The following FCHO2 variants were observed in gnomAD, a reference collection of about 807,000 sequenced individuals.
FCHO2 encodes F-BAR domain only protein 2.
A neutral mutation model predicts 114.1 loss-of-function variants in FCHO2; 43 were observed. The observed-to-expected ratio is 0.38, with a 90% confidence interval of 0.30 to 0.49. The LOEUF (loss-of-function observed/expected upper bound fraction) is 0.49, where lower values mean the gene tolerates loss of function less well. Among genes scored for constraint, FCHO2 ranks in the 20% least tolerant of loss-of-function variants. FCHO2 has a pLI of 0.97. For synonymous variants in FCHO2, 293 were observed against 315.2 expected (o/e 0.93, Z 0.75); for missense variants, 807 against 950.4 (o/e 0.85, Z 1.98).
intron 6 of FCHO2, among the ~76,000 whole-genome samples, chr5:73,010,484 T>C (rs1446631580): frequency 1.3e-5 from 2 of 152,082 alleles, no homozygotes; most frequent in African/African-American, 2.4e-5. Flanking sequence ...ATATCTTTAG[T>C]GGCTGAGAAG....
intron 1 of FCHO2, among the ~76,000 whole-genome samples, chr5:72,957,959 T>C (rs1751645342): frequency 6.6e-6 from 1 of 152,222 alleles, no homozygotes; most frequent in African/African-American, 2.4e-5. Context: ...TGCCTATTTT[T>C]ATATTTTCTT....
At chr5:72,976,292 T>G (rs1752869926) in intron 2 of FCHO2, among the ~76,000 whole-genome samples, 1 of 152,148 alleles carries the variant, frequency 6.6e-6, no homozygotes, top group Non-Finnish European at 1.5e-5. Context: ...TTTCCCAGGC[T>G]AGTCTCGAAC....
Position 72,979,378 on chromosome 5 carries a change from C to CTTTTTTTT in FCHO2, c.126-10025_126-10018dup, listed in dbSNP as rs60234739. Among the ~76,000 whole-genome samples, 179 of 49,808 alleles carry CTTTTTTTT rather than the reference C, an allele frequency of 3.6e-3. 16 individuals carry two copies. Among genetic ancestry groups the CTTTTTTTT allele is most frequent in the East Asian group, 8.3e-3 (9 of 1,082 alleles). 32.7% of individuals were successfully genotyped at this position (49,808 alleles called of 152,430 possible). A position where few individuals can be genotyped will look rare whatever the true frequency, so the allele number is the denominator to read the frequency against. On this transcript the variant is annotated intron_variant, in intron 2 of 25. Coordinates refer to ENST00000430046, the MANE Select transcript of FCHO2 (RefSeq NM_138782.3). ...TATGTGTCCAGGAATTTATCAATTT[C>CTTTTTTTT]TTTTTTTTTTTTTTTTTTTTTTTTT...
At chr5:73,076,561 A>G (rs1332937490) in intron 20 of FCHO2, among the ~76,000 whole-genome samples, 1 of 152,220 alleles carries the variant, frequency 6.6e-6, no homozygotes, top group Non-Finnish European at 1.5e-5. Flanking sequence ...GTCCTTCAGT[A>G]TATAAGAGCA....
chr5:73,072,525 G>A (rs1048505004), intron 19 of FCHO2, among the ~76,000 whole-genome samples: 4 of 152,036 alleles, frequency 2.6e-5, no homozygotes, highest in African/African-American at 9.7e-5. Context: ...TTGGATGAAT[G>A]GATGAGCAAA....
At chr5:72,997,537 C>T in intron 5 of FCHO2, 1 of 1,342,402 alleles carries the variant, frequency 7.4e-7, no homozygotes, top group Non-Finnish European at 1.1e-6. Context: ...TCAGTGACCC[C>T]AGTGACACAA....
At chr5:73,085,983 ATGG>A (rs1245535559) in intron 24 of FCHO2, among the ~76,000 whole-genome samples, 4 of 150,374 alleles carry the variant, frequency 2.7e-5, no homozygotes, top group Non-Finnish European at 3.0e-5. Context: ...TTAGCCAGGC[ATGG>A]TGGTGTGCGC....
At chr5:73,000,402 T>G (rs1337001850) in intron 5 of FCHO2, among the ~76,000 whole-genome samples, 1 of 95,690 alleles carries the variant, frequency 1.0e-5, no homozygotes, top group Admixed American at 1.3e-4. Context: ...ACCGGGGAGG[T>G]GGAGGTTTCA....
intron 15 of FCHO2, among the ~76,000 whole-genome samples, chr5:73,055,844 C>A (rs1453921268): frequency 1.3e-5 from 2 of 152,054 alleles, no homozygotes; most frequent in African/African-American, 2.4e-5. Context: ...TGACTTAAGT[C>A]ATTTCTTACT....
In FCHO2 at chr5:73,053,966, T is replaced by C. The variant is rs1451531650; in HGVS notation, c.1174-194T>C. 2.0e-5 allele frequency among the ~76,000 whole-genome samples: 3 copies of C among 152,178 alleles called. 1 individual carries two copies. The highest frequency in any genetic ancestry group is 1.3e-4 in the Admixed American group (2 of 15,278). On this transcript the variant is annotated intron_variant, in intron 13 of 25. Coordinates refer to ENST00000430046, the MANE Select transcript of FCHO2 (RefSeq NM_138782.3). ...AATCAGAACAATTTTATAGTTAATA[T>C]TGGATAAGAAAAGATTATATCTGAA... is the stretch of plus-strand genomic sequence containing the variant.
intron 2 of FCHO2, among the ~76,000 whole-genome samples, chr5:72,980,667 A>G (rs548771783): frequency 6.6e-6 from 1 of 152,246 alleles, no homozygotes; most frequent in South Asian, 2.1e-4. Flanking sequence ...TAGTTAGCTC[A>G]TCTTGATGCA....
At chr5:73,001,358 A>AGGATTGCTTGAGGCCAGGAGGT (rs1194874466) in intron 5 of FCHO2, among the ~76,000 whole-genome samples, 1 of 144,854 alleles carries the variant, frequency 6.9e-6, no homozygotes, top group Non-Finnish European at 1.5e-5. Flanking sequence ...AGGCAGGAGG[A>AGGATTGCTTGAGGCCAGGAGGT]GGATTGCTTG....
At chr5:73,028,393 G>A (rs903553890) in intron 8 of FCHO2, among the ~76,000 whole-genome samples, 3 of 152,132 alleles carry the variant, frequency 2.0e-5, no homozygotes, top group Non-Finnish European at 2.9e-5. Context: ...AAGAGAAAAG[G>A]AAATATATGT....
At chr5:73,027,800 A>G (rs984748356) in intron 8 of FCHO2, among the ~76,000 whole-genome samples, 33 of 152,338 alleles carry the variant, frequency 2.2e-4, no homozygotes, top group Admixed American at 1.9e-3. Flanking sequence ...ATGAATGTCA[A>G]GTAAGCACAT....
chr5:72,956,579 A>G (rs911589547), intron 1 of FCHO2, among the ~76,000 whole-genome samples: 4 of 152,082 alleles, frequency 2.6e-5, no homozygotes, highest in African/African-American at 7.2e-5. Flanking sequence ...CGGGCCCCCC[A>G]TCTGAGCGAT....
At chr5:73,082,228 C>T (rs1353599352) in intron 23 of FCHO2, among the ~76,000 whole-genome samples, 1 of 150,500 alleles carries the variant, frequency 6.6e-6, no homozygotes, top group African/African-American at 2.4e-5. Context: ...CTAACTTTAC[C>T]ATTAGGCAGA....
At chr5:73,016,971 A>G (rs1284672984) in intron 7 of FCHO2, among the ~76,000 whole-genome samples, 1 of 152,104 alleles carries the variant, frequency 6.6e-6, no homozygotes, top group Non-Finnish European at 1.5e-5. Flanking sequence ...CAAAGATGGG[A>G]ACAGAAAACT....
At chr5:73,068,846 A>C in intron 19 of FCHO2, 67 bp downstream of exon 19, 1 of 1,466,470 alleles carries the variant, frequency 6.8e-7, no homozygotes, top group Non-Finnish European at 9.1e-7. Flanking sequence ...AAATATGTAT[A>C]TATTTTTAAA....
chr5:72,965,595 C>G (rs1457229308), intron 1 of FCHO2, among the ~76,000 whole-genome samples: 2 of 152,144 alleles, frequency 1.3e-5, no homozygotes, highest in Non-Finnish European at 2.9e-5. Context: ...TAGCAGTTTT[C>G]AAGGCCAGAG....
Sources: allele counts gnomAD v4.1 joint callset (sites outside exome capture counted in the v4.1 genomes callset), GRCh38; gene constraint gnomAD v4.1.1; transcripts MANE v1.5; gene names NCBI Gene and HGNC (gene_info 2026-07-23, HGNC 2026-07-21).